The following BCO1 variants were observed in gnomAD, a reference collection of about 807,000 sequenced individuals.
BCO1 encodes the protein beta,beta-carotene 15,15'-dioxygenase.
In BCO1, 54 loss-of-function variants were observed where a neutral mutation model predicts 56.3. The ratio of observed to expected loss-of-function variants is 0.96; its 90% CI spans 0.77 to 1.20. BCO1 has a LOEUF of 1.20. Among genes scored for constraint, BCO1 ranks in the 50% most tolerant of loss-of-function variants. The probability of loss-of-function intolerance (pLI) is 0.00; values close to 1 mark genes in which losing one functional copy is unlikely to be tolerated. For synonymous variants in BCO1, 318 were observed against 266.1 expected (o/e 1.20, Z -1.90); for missense variants, 801 against 690.9 (o/e 1.16, Z -1.79).
In BCO1 at chr16:81,290,583, T is replaced by C; in HGVS notation, c.*6T>C. The stretch of plus-strand genomic sequence containing the variant: ...ACGGGGCTCCTCTGACCTGATGGTG[T>C]TGGGGTTTGGGTAGGGGAGGGGAGC... On this transcript the variant is annotated 3_prime_UTR_variant, in exon 11 of 11. Transcript: ENST00000258168. 6.2e-7 allele frequency: 1 copy of C among 1,609,768 alleles called. No individual in the cohort carries two copies. The highest frequency in any genetic ancestry group is 1.1e-5 in the South Asian group (1 of 91,026).
rs558542224 is a variant in BCO1, at chr16:81,243,530, G to A, written c.65-1945G>A. 5.3e-5 allele frequency among the ~76,000 whole-genome samples: 8 copies of A among 152,158 alleles called. No individual in the cohort carries two copies. The East Asian group carries it at 7.7e-4, about 15-fold the overall frequency. On this transcript the variant is annotated intron_variant, in intron 1 of 10. Coordinates refer to ENST00000258168, the MANE Select transcript of BCO1 (RefSeq NM_017429.3). Reference sequence around the variant, plus strand: ...GTCACCCAGGCTGGAGTGCAGTGGCGTGATCTCAGCTCACTGCAACCTCCC... The same window carrying A: ...GTCACCCAGGCTGGAGTGCAGTGGCATGATCTCAGCTCACTGCAACCTCCC...
At position 81,259,686 on chromosome 16, in the gene BCO1, T is replaced by C. The variant is rs768583489; in HGVS notation, c.204T>C (p.Tyr68=). 13 of 1,614,048 alleles carry C rather than the reference T, an allele frequency of 8.1e-6. No individual in the cohort carries two copies. The highest frequency in any genetic ancestry group is 1.1e-5 in the Non-Finnish European group (13 of 1,180,016). The change falls in exon 3 of 11, where the codon TAT becomes TAC. Residue 68 remains tyrosine (Y), a synonymous_variant. Transcript: ENST00000258168. ...GTTCTTCTCTTGCAGGTGAAGTCTA[T>C]TACAGGAGCAAATACCTGAGAAGCG... is the stretch of plus-strand genomic sequence containing the variant. ...HSFTIRDGEV[Y]YRSKYLRSDT...
chr16:81,242,993 G>A (rs1278052373), intron 1 of BCO1, among the ~76,000 whole-genome samples: 1 of 152,044 alleles, frequency 6.6e-6, no homozygotes, highest in Non-Finnish European at 1.5e-5. Flanking sequence ...CCAGTCCCTG[G>A]TGCCAAAAAG....
intron 2 of BCO1, among the ~76,000 whole-genome samples, chr16:81,253,688 G>A (rs1404748320): frequency 1.3e-5 from 2 of 152,144 alleles, no homozygotes; most frequent in African/African-American, 4.8e-5. Flanking sequence ...GTGAGGCTGG[G>A]CACCGTGCCT....
At chr16:81,279,019 G>A (rs746988233) in intron 7 of BCO1, among the ~76,000 whole-genome samples, 2 of 152,184 alleles carry the variant, frequency 1.3e-5, no homozygotes, top group African/African-American at 2.4e-5. Context: ...GCTCATGCTT[G>A]TAATCCCAGC....
intron 2 of BCO1, among the ~76,000 whole-genome samples, chr16:81,250,144 C>T (rs1218186036): frequency 6.6e-6 from 1 of 152,132 alleles, no homozygotes; most frequent in Non-Finnish European, 1.5e-5. Context: ...TGGGGACTAC[C>T]ACAGTTTTAG....
chr16:81,243,918 G>C (rs1053080551), intron 1 of BCO1, among the ~76,000 whole-genome samples: 4 of 152,238 alleles, frequency 2.6e-5, no homozygotes, highest in Non-Finnish European at 4.4e-5. Context: ...CGAGCCATTG[G>C]CTGCTGAGGC....
chr16:81,273,444 A>C (rs1190296196), intron 7 of BCO1, among the ~76,000 whole-genome samples: 1 of 151,924 alleles, frequency 6.6e-6, no homozygotes, highest in Admixed American at 6.6e-5. Context: ...CTTACCGCCC[A>C]GTTTCTCAGT....
intron 2 of BCO1, among the ~76,000 whole-genome samples, chr16:81,251,874 A>ATGTGTGTGTGTGTGTGCGTGTG (rs1905825790): frequency 2.7e-5 from 4 of 146,694 alleles, no homozygotes; most frequent in African/African-American, 1.0e-4. Flanking sequence ...ACACACATAT[A>ATGTGTGTGTGTGTGTGCGTGTG]TGTGTGTGTG....
In BCO1 at chr16:81,264,620, G is replaced by C; in HGVS notation, c.472-20G>C. 1 of 1,613,274 alleles carries C rather than the reference G, an allele frequency of 6.2e-7. No individual in the cohort carries two copies. The highest frequency in any genetic ancestry group is 2.2e-5 in the East Asian group (1 of 44,880). ...ATTATCGTAAATACTTTAAAAAACA[G>C]GAGGTGTCATATCTTGCAGGTTGAT... On this transcript the variant is annotated intron_variant, in intron 4 of 10. Transcript: ENST00000258168.
At chr16:81,245,391 C>T in intron 1 of BCO1, 84 bp from the exon 2 acceptor site, 1 of 1,604,354 alleles carries the variant, frequency 6.2e-7, no homozygotes, top group African/African-American at 1.3e-5. Context: ...GACCACAACT[C>T]TCAAATTCCT....
chr16:81,257,963 G>T (rs1001728316), intron 2 of BCO1, among the ~76,000 whole-genome samples: 1 of 152,008 alleles, frequency 6.6e-6, no homozygotes, highest in African/African-American at 2.4e-5. Context: ...TGACATTAGG[G>T]ATGGGCCCAG....
rs574948864 is a variant in BCO1, at chr16:81,286,314, T to A, written c.1302+680T>A. The stretch of plus-strand genomic sequence containing the variant: ...ATAATAAAATGGAAAATCTTTTTTT[T>A]AAAATGCAAACAGAGCAGGAATGTA... On this transcript the variant is annotated intron_variant, in intron 9 of 10. Transcript: ENST00000258168. Among the ~76,000 whole-genome samples, 24 of 152,246 alleles carry A rather than the reference T, an allele frequency of 1.6e-4. No individual in the cohort carries two copies. In the South Asian group the frequency reaches 4.4e-3, roughly 28 times the overall value.
intron 7 of BCO1, among the ~76,000 whole-genome samples, chr16:81,273,930 G>C (rs925735648): frequency 6.6e-6 from 1 of 152,162 alleles, no homozygotes; most frequent in African/African-American, 2.4e-5. Flanking sequence ...AGAGAAAAAG[G>C]CATTGATTTT....
chr16:81,256,744 C>T (rs552821259), intron 2 of BCO1, among the ~76,000 whole-genome samples: 5 of 152,110 alleles, frequency 3.3e-5, no homozygotes, highest in South Asian at 2.1e-4. Flanking sequence ...AAAAATTAGT[C>T]GGACATGGTG....
At chr16:81,280,077 AC>A (rs1157045104) in intron 7 of BCO1, among the ~76,000 whole-genome samples, 2 of 152,000 alleles carry the variant, frequency 1.3e-5, no homozygotes, top group Non-Finnish European at 2.9e-5. Flanking sequence ...ACCCTGGCCA[AC>A]ATGATGAAAC....
intron 9 of BCO1, 121 bp downstream of exon 9, chr16:81,285,755 A>G (rs1908144322): frequency 2.5e-6 from 2 of 788,266 alleles, no homozygotes; most frequent in South Asian, 2.9e-5. Context: ...TAAGCCTAGG[A>G]TAAAATAAAT....
intron 8 of BCO1, 33 bp from the exon 9 acceptor site, chr16:81,285,506 TA>T (rs772768994): frequency 1.3e-6 from 2 of 1,490,214 alleles, no homozygotes; most frequent in Non-Finnish European, 1.9e-6. Flanking sequence ...CCCCCAATGA[TA>T]GGGGCTTCAT....
chr16:81,267,897 TG>T lies in BCO1; in HGVS notation c.620-10del, dbSNP rs894246851. 8 of 1,612,488 alleles carry T rather than the reference TG, an allele frequency of 5.0e-6. No individual in the cohort carries two copies. In the African/African-American group the frequency reaches 1.1e-4, roughly 22 times the overall value. On this transcript the variant is annotated splice_polypyrimidine_tract_variant and intron_variant, in intron 5 of 10. Transcript: ENST00000258168. ...TGCACAATTCCTGAGGCTTGCTTTT[TG>T]TCTTGCTAGAGGGCAAGAAGCAGGG...
Sources: allele counts gnomAD v4.1 joint callset (sites outside exome capture counted in the v4.1 genomes callset), GRCh38; gene constraint gnomAD v4.1.1; transcripts MANE v1.5; gene names NCBI Gene and HGNC (gene_info 2026-07-23, HGNC 2026-07-21).